The following AGBL4 variants were observed in gnomAD, a reference collection of about 807,000 sequenced individuals.
The protein encoded by AGBL4 is AGBL carboxypeptidase 4, also known as cytosolic carboxypeptidase 6.
AGBL4 carries 58 observed loss-of-function variants against 66.4 expected under a neutral mutation model. The observed-to-expected ratio is 0.87, with a 90% CI of 0.71 to 1.09. AGBL4 has a LOEUF of 1.09. Among genes scored for constraint, AGBL4 ranks in the 50% least tolerant of loss-of-function variants. The pLI is 0.00. For missense variants in AGBL4, 579 were observed against 631.0 expected (o/e 0.92, Z 0.88); for synonymous variants, 234 against 222.9 (o/e 1.05, Z -0.44).
intron 3 of AGBL4, among the ~76,000 whole-genome samples, chr1:49,456,579 T>C (rs1016167791): frequency 6.6e-6 from 1 of 151,700 alleles, no homozygotes; most frequent in African/African-American, 2.4e-5. Flanking sequence ...TATTTTAAAT[T>C]TATTTTTTAT....
chr1:49,700,049 A>C (rs893188894), intron 2 of AGBL4, among the ~76,000 whole-genome samples: 1 of 151,716 alleles, frequency 6.6e-6, no homozygotes, highest in Non-Finnish European at 1.5e-5. Context: ...ATACAAGACA[A>C]AATTTTATTT....
chr1:48,656,209 C>A (rs1364435550), intron 7 of AGBL4, among the ~76,000 whole-genome samples: 1 of 152,182 alleles, frequency 6.6e-6, no homozygotes, highest in Non-Finnish European at 1.5e-5. Context: ...CTGCCCTGTC[C>A]CAGCTTCCAA....
chr1:49,742,632 C>T (rs867919735), intron 2 of AGBL4, among the ~76,000 whole-genome samples: 237 of 152,168 alleles, frequency 1.6e-3, no homozygotes, highest in South Asian at 0.011. Flanking sequence ...GGAAGCATCA[C>T]GCTACCTGAC....
At chr1:49,936,569 G>A (rs1399269671) in intron 1 of AGBL4, among the ~76,000 whole-genome samples, 1 of 152,166 alleles carries the variant, frequency 6.6e-6, no homozygotes, top group African/African-American at 2.4e-5. Flanking sequence ...AGGAAAAAAT[G>A]TTAAGGGCAG....
At chr1:49,085,271 A>G (rs1480305986) in intron 4 of AGBL4, among the ~76,000 whole-genome samples, 2 of 150,340 alleles carry the variant, frequency 1.3e-5, no homozygotes, top group Non-Finnish European at 3.0e-5. Flanking sequence ...TTTCATCATC[A>G]TCATCATCAT....
chr1:49,645,607 C>G (rs1281350055), intron 3 of AGBL4, among the ~76,000 whole-genome samples: 1 of 151,058 alleles, frequency 6.6e-6, no homozygotes, highest in Non-Finnish European at 1.5e-5. Flanking sequence ...TGAAGTCTTT[C>G]AAATATTTAA....
intron 2 of AGBL4, among the ~76,000 whole-genome samples, chr1:49,835,076 T>C (rs1484159777): frequency 6.6e-6 from 1 of 152,220 alleles, no homozygotes; most frequent in Non-Finnish European, 1.5e-5. Context: ...GTTCTGTCGA[T>C]GTCTATTAGG....
intron 3 of AGBL4, among the ~76,000 whole-genome samples, chr1:49,307,384 A>T (rs1359336829): frequency 6.6e-6 from 1 of 152,182 alleles, no homozygotes; most frequent in Non-Finnish European, 1.5e-5. Context: ...GTCTTTGGAG[A>T]GGAAGAGATC....
In AGBL4 at chr1:49,327,037, T is replaced by TTC. The variant is rs914392089; in HGVS notation, c.283-81175_283-81174dup. On this transcript the variant is annotated intron_variant, in intron 3 of 13. Transcript: ENST00000371839. ...GGTCATCAGCAGAGCATCTTAAAAT[T>TTC]TCTCTCTCTCTCTGGCCTTTCTGCT... Among the ~76,000 whole-genome samples the TTC allele has an allele frequency of 2.6e-4, 39 of 151,924 alleles. No individual in the cohort carries two copies. The South Asian group carries it at 3.1e-3, about 12-fold the overall frequency.
chr1:48,967,015 C>T (rs995221076), intron 5 of AGBL4, among the ~76,000 whole-genome samples: 2 of 150,202 alleles, frequency 1.3e-5, no homozygotes, highest in Middle Eastern at 3.4e-3. Flanking sequence ...TTGTAGTGTT[C>T]GGTTTACATT....
intron 3 of AGBL4, among the ~76,000 whole-genome samples, chr1:49,655,723 T>C (rs747927044): frequency 2.0e-4 from 30 of 152,158 alleles, no homozygotes; most frequent in Non-Finnish European, 2.9e-4. Flanking sequence ...CTGAAGGAGA[T>C]AGAGATACAA....
intron 1 of AGBL4, among the ~76,000 whole-genome samples, chr1:49,958,256 T>G (rs533778914): frequency 2.0e-5 from 3 of 152,118 alleles, no homozygotes; most frequent in Admixed American, 6.6e-5. Flanking sequence ...CTTTCCTCTG[T>G]GGGTAACCTG....
intron 9 of AGBL4, among the ~76,000 whole-genome samples, chr1:48,613,133 C>CA (rs577843427): frequency 1.2e-3 from 170 of 141,228 alleles, no homozygotes; most frequent in South Asian, 2.7e-3. Context: ...TACTCCGCCT[C>CA]AAAAAAAAAA....
intron 3 of AGBL4, among the ~76,000 whole-genome samples, chr1:49,592,006 A>C (rs1431112964): frequency 6.6e-6 from 1 of 152,168 alleles, no homozygotes; most frequent in African/African-American, 2.4e-5. Context: ...CCTAAAAAAT[A>C]CCATTCTGGA....
intron 6 of AGBL4, among the ~76,000 whole-genome samples, chr1:48,841,765 A>C (rs1175632564): frequency 6.6e-6 from 1 of 152,116 alleles, no homozygotes; most frequent in Non-Finnish European, 1.5e-5. Context: ...GTTTCTGCAC[A>C]TTGAATCATG....
At chr1:49,213,443 G>A (rs1056561976) in intron 4 of AGBL4, among the ~76,000 whole-genome samples, 2 of 151,944 alleles carry the variant, frequency 1.3e-5, no homozygotes, top group Non-Finnish European at 2.9e-5. Context: ...TGCTGTCTTC[G>A]TGATAATGAG....
intron 9 of AGBL4, among the ~76,000 whole-genome samples, chr1:48,615,980 C>T (rs1362839886): frequency 6.6e-6 from 1 of 152,166 alleles, no homozygotes; most frequent in African/African-American, 2.4e-5. Context: ...AATGTTCTTG[C>T]TAGTTCCCTT....
At chr1:48,781,662 C>T (rs964993904) in intron 6 of AGBL4, among the ~76,000 whole-genome samples, 1 of 152,236 alleles carries the variant, frequency 6.6e-6, no homozygotes, top group Non-Finnish European at 1.5e-5. Context: ...TGCCAGGAAG[C>T]TTACTAGCTC....
chr1:49,662,291 A>AGTGT (rs1646285174), intron 3 of AGBL4, among the ~76,000 whole-genome samples: 1 of 151,722 alleles, frequency 6.6e-6, no homozygotes, highest in Non-Finnish European at 1.5e-5. Context: ...ATACACTTTA[A>AGTGT]ATATGTGTAG....
Sources: gnomAD v4.1 joint callset for allele counts (sites outside exome capture counted in the v4.1 genomes callset) on GRCh38, gnomAD v4.1.1 for gene constraint, MANE v1.5 for transcripts, NCBI Gene and HGNC (gene_info 2026-07-23, HGNC 2026-07-21) for gene names.